Variants in RAD51B observed in about 807,000 individuals in gnomAD.
RAD51B encodes the protein RAD51 paralog B.
RAD51B carries 38 observed loss-of-function variants against 42.2 expected under a neutral mutation model. The ratio of observed to expected loss-of-function variants is 0.90; its 90% confidence interval spans 0.70 to 1.18. The LOEUF is 1.18. RAD51B is among the 50% of genes most tolerant of loss of function. RAD51B has a pLI of 0.00. For synonymous variants in RAD51B, 154 were observed against 145.2 expected, an observed-to-expected ratio of 1.06 and a Z score of -0.43; for missense variants, 373 against 400.7, an observed-to-expected ratio of 0.93 and a Z score of 0.59.
In RAD51B at chr14:68,455,588, C is replaced by T. The variant is rs541268067; in HGVS notation, c.958-12584C>T. On this transcript the variant is annotated intron_variant, in intron 9 of 10. Transcript: ENST00000471583. ...AAAAAAAATTAGCCAGACGTGGTGGCGGGCGCCTGTAGTCCCAGCTACTCG... is the reference window on the plus strand; with the variant it reads ...AAAAAAAATTAGCCAGACGTGGTGGTGGGCGCCTGTAGTCCCAGCTACTCG... Among the ~76,000 whole-genome samples the T allele has an allele frequency of 1.8e-4, 28 of 151,982 alleles. No homozygotes were observed. In the East Asian group the frequency reaches 5.0e-3, roughly 27 times the overall value.
rs183709390 is a variant in RAD51B at position 68,406,170 on chromosome 14, A to G, written c.854-5254A>G. Among the ~76,000 whole-genome samples, 120 of 152,372 alleles carry G rather than the reference A, an allele frequency of 7.9e-4. 1 individual carries two copies. Among genetic ancestry groups the G allele is most frequent in the African/African-American group, 2.7e-3 (114 of 41,592 alleles). ...AAGTAACTCAGGCATGCTGACATAC[A>G]TCAGGCGTGGGTTTGGCCTCTTTAT... is the stretch of plus-strand genomic sequence containing the variant. On this transcript the variant is annotated intron_variant, in intron 8 of 10. Transcript: ENST00000471583.
chr14:68,654,583 C>T (rs1335766254), intron 11 of RAD51B, among the ~76,000 whole-genome samples: 2 of 152,178 alleles, frequency 1.3e-5, no homozygotes, highest in African/African-American at 2.4e-5. Flanking sequence ...GGATGTGGTG[C>T]GTGTGAACAG....
chr14:68,542,754 T>C (rs957238958), intron 10 of RAD51B, among the ~76,000 whole-genome samples: 8 of 152,232 alleles, frequency 5.3e-5, no homozygotes, highest in African/African-American at 1.9e-4. Flanking sequence ...GATCATCTTG[T>C]GTATCTCTGG....
Position 68,206,973 on chromosome 14 carries a change from G to A in RAD51B, c.757-84911G>A, listed in dbSNP as rs550853419. Among the ~76,000 whole-genome samples the A allele has an allele frequency of 9.7e-4, 148 of 152,034 alleles. 1 individual carries two copies. The highest frequency in any genetic ancestry group is 3.2e-3 in the African/African-American group (133 of 41,464). On this transcript the variant is annotated intron_variant, in intron 7 of 10. Transcript: ENST00000471583. ...CCCGGCTAATTTTTTTATATTTTTA[G>A]TAGAGACAGGGTTTCACCCTGTTAG...
intron 7 of RAD51B, among the ~76,000 whole-genome samples, chr14:67,896,216 C>T (rs762521239): frequency 4.6e-5 from 7 of 152,122 alleles, no homozygotes; most frequent in African/African-American, 1.7e-4. Flanking sequence ...TTTTGAAATG[C>T]ATGTCTAATT....
chr14:68,019,919 C>T (rs1291340871), intron 7 of RAD51B, among the ~76,000 whole-genome samples: 2 of 152,124 alleles, frequency 1.3e-5, no homozygotes, highest in Non-Finnish European at 2.9e-5. Context: ...TGGGAAGTTA[C>T]ACATTGCACT....
intron 8 of RAD51B, among the ~76,000 whole-genome samples, chr14:68,325,573 ATT>A (rs5809376): frequency 6.6e-4 from 95 of 144,376 alleles, no homozygotes; most frequent in Non-Finnish European, 8.1e-4. Context: ...TCACATTCTC[ATT>A]TTTTTTTTTT....
At chr14:68,542,745 A>G (rs1888033162) in intron 10 of RAD51B, among the ~76,000 whole-genome samples, 1 of 152,126 alleles carries the variant, frequency 6.6e-6, no homozygotes, top group East Asian at 1.9e-4. Flanking sequence ...ATTCTAATGG[A>G]TCATCTTGTG....
intron 7 of RAD51B, among the ~76,000 whole-genome samples, chr14:68,150,238 C>T (rs1180205802): frequency 6.6e-6 from 1 of 152,202 alleles, no homozygotes; most frequent in Non-Finnish European, 1.5e-5. Context: ...GCCACCGTGC[C>T]CAGCCTGAAG....
chr14:68,499,125 G>A (rs1884744160), intron 10 of RAD51B, among the ~76,000 whole-genome samples: 1 of 152,150 alleles, frequency 6.6e-6, no homozygotes, highest in Non-Finnish European at 1.5e-5. Flanking sequence ...TTCTGGTGGG[G>A]CTTTGCCAGA....
intron 7 of RAD51B, among the ~76,000 whole-genome samples, chr14:68,095,893 G>A (rs180736693): frequency 5.4e-5 from 8 of 149,100 alleles, no homozygotes; most frequent in African/African-American, 1.2e-4. Flanking sequence ...GGAGAATGGC[G>A]TGAACCAGGG....
chr14:68,518,228 G>A (rs1425769747), intron 10 of RAD51B, among the ~76,000 whole-genome samples: 4 of 152,134 alleles, frequency 2.6e-5, no homozygotes, highest in African/African-American at 2.4e-5. Context: ...ACAACAGGGC[G>A]GGAACATGGT....
rs996704668 is a variant in RAD51B, at chr14:67,951,212, G to A, written c.756+64008G>A. Among the ~76,000 whole-genome samples, 3 of 152,168 alleles carry A rather than the reference G, an allele frequency of 2.0e-5. No homozygotes were observed. In the East Asian group the frequency reaches 5.8e-4, roughly 29 times the overall value. On this transcript the variant is annotated intron_variant, in intron 7 of 10. Transcript: ENST00000471583. ...TGTAAAAGACCACAATATATGTGAA[G>A]TACAGGTGAGGTATGCCTGTACGTA...
chr14:68,499,040 T>A (rs1224788348), intron 10 of RAD51B, among the ~76,000 whole-genome samples: 1 of 152,182 alleles, frequency 6.6e-6, no homozygotes, highest in Non-Finnish European at 1.5e-5. Context: ...TGCCCCCTTT[T>A]CAGTGAGTGT....
intron 8 of RAD51B, among the ~76,000 whole-genome samples, chr14:68,293,429 A>C (rs2081552868): frequency 6.6e-6 from 1 of 152,088 alleles, no homozygotes; most frequent in Non-Finnish European, 1.5e-5. Context: ...CTTTGCGTAG[A>C]CTGGTTTTCA....
chr14:68,595,119 C>T (rs1056797292), exon 11 of RAD51B: 1 of 1,066,810 alleles, frequency 9.4e-7, no homozygotes, highest in African/African-American at 1.6e-5. Flanking sequence ...TTGGTAAATG[C>T]CTCAGCATGT....
intron 10 of RAD51B, chr14:68,497,269 A>C: frequency 7.5e-7 from 1 of 1,328,722 alleles, no homozygotes; most frequent in Non-Finnish European, 9.8e-7. Flanking sequence ...TTTGGTTGCT[A>C]CTGTGTAGAC....
chr14:68,390,936 G>T (rs1176207853), intron 8 of RAD51B, among the ~76,000 whole-genome samples: 1 of 152,198 alleles, frequency 6.6e-6, no homozygotes, highest in Non-Finnish European at 1.5e-5. Context: ...TTGTCTCCAA[G>T]ACACCTGACA....
intron 7 of RAD51B, among the ~76,000 whole-genome samples, chr14:68,173,614 G>T (rs2078913072): frequency 6.6e-6 from 1 of 152,146 alleles, no homozygotes; most frequent in South Asian, 2.1e-4. Context: ...GAAAGGTCTT[G>T]GTCCTGGTTC....
Sources: gnomAD v4.1 joint callset for allele counts (sites outside exome capture counted in the v4.1 genomes callset) on GRCh38, gnomAD v4.1.1 for gene constraint, MANE v1.5 for transcripts, NCBI Gene and HGNC (gene_info 2026-07-23, HGNC 2026-07-21) for gene names.